Variants in NOX4 observed in about 807,000 individuals in gnomAD.
NOX4 encodes the protein NADPH oxidase 4, also known as kidney oxidase-1.
Under a neutral mutation model 87.6 loss-of-function variants are expected in NOX4, and 69 were observed. The ratio of observed to expected loss-of-function variants is 0.79; its 90% CI spans 0.65 to 0.96. The LOEUF (loss-of-function observed/expected upper bound fraction) is 0.96, where lower values mean the gene tolerates loss of function less well. NOX4 is among the 40% of genes least tolerant of loss of function. The probability of loss-of-function intolerance (pLI) is 0.00; values close to 1 mark genes in which losing one functional copy is unlikely to be tolerated. For missense variants in NOX4, 680 were observed against 681.5 expected, an observed-to-expected ratio of 1.00 and a Z score of 0.02; for synonymous variants, 275 against 238.2, an observed-to-expected ratio of 1.15 and a Z score of -1.42.
At chr11:89,476,131 AAGTT>A (rs1265585783) in intron 2 of NOX4, among the ~76,000 whole-genome samples, 1 of 152,072 alleles carries the variant, frequency 6.6e-6, no homozygotes, top group African/African-American at 2.4e-5. Context: ...GCAGTTCAGG[AAGTT>A]AGGGTGAGTT....
chr11:89,552,181 T>C, the NOX4 span, among the ~76,000 whole-genome samples: 3 of 152,178 alleles, frequency 2.0e-5, no homozygotes, highest in Non-Finnish European at 4.4e-5. Context: ...AACTTTATAA[T>C]ACATTTCTGA....
intron 2 of NOX4, among the ~76,000 whole-genome samples, chr11:89,469,426 G>GTAAA (rs1450560956): frequency 6.6e-6 from 1 of 152,132 alleles, no homozygotes; most frequent in African/African-American, 2.4e-5. Context: ...CTAAAAATAT[G>GTAAA]TAAATTTGTG....
chr11:89,468,361 A>G (rs1945793966), intron 2 of NOX4, among the ~76,000 whole-genome samples: 1 of 152,208 alleles, frequency 6.6e-6, no homozygotes, highest in African/African-American at 2.4e-5. Context: ...TGCTTCTACA[A>G]TTGTTGATAT....
At chr11:89,349,325 A>T (rs1472570798) in intron 13 of NOX4, among the ~76,000 whole-genome samples, 2 of 142,774 alleles carry the variant, frequency 1.4e-5, no homozygotes, top group East Asian at 4.1e-4. Flanking sequence ...AATAAAATAA[A>T]ATAACTTGGC....
chr11:89,331,899 G>T (rs2135365445), intron 17 of NOX4, among the ~76,000 whole-genome samples: 1 of 151,366 alleles, frequency 6.6e-6, no homozygotes, highest in South Asian at 2.1e-4. Flanking sequence ...CTAACTTAAT[G>T]AAATCTTACT....
At chr11:89,568,326 T>G in the NOX4 span, among the ~76,000 whole-genome samples, 1 of 152,136 alleles carries the variant, frequency 6.6e-6, no homozygotes, top group Admixed American at 6.5e-5. Flanking sequence ...AGAATAAGAT[T>G]GATAGACCAC....
chr11:89,571,935 T>C, the NOX4 span, among the ~76,000 whole-genome samples: 1 of 152,158 alleles, frequency 6.6e-6, no homozygotes, highest in African/African-American at 2.4e-5. Context: ...TCCACTGCAT[T>C]GTTTATGTAA....
chr11:89,502,959 T>G (rs1159686082), upstream of NOX4, among the ~76,000 whole-genome samples: 1 of 152,170 alleles, frequency 6.6e-6, no homozygotes, highest in Non-Finnish European at 1.5e-5. Flanking sequence ...AGTTGTCACC[T>G]TAGGGTCTAG....
intron 2 of NOX4, among the ~76,000 whole-genome samples, chr11:89,482,197 C>CT (rs897240096): frequency 6.6e-6 from 1 of 151,938 alleles, no homozygotes; most frequent in African/African-American, 2.4e-5. Flanking sequence ...CTAAAAAGGC[C>CT]TGGGAAGGAC....
At chr11:89,382,458 C>G (rs1432301857) in intron 11 of NOX4, among the ~76,000 whole-genome samples, 1 of 152,076 alleles carries the variant, frequency 6.6e-6, no homozygotes, top group Non-Finnish European at 1.5e-5. Context: ...GTCTGAGGTG[C>G]CTGACATCCA....
At chr11:89,541,698 AT>A in the NOX4 span, among the ~76,000 whole-genome samples, 212 of 152,344 alleles carry the variant, frequency 1.4e-3, no homozygotes, top group Middle Eastern at 3.4e-3. Flanking sequence ...ACTTTAAAAA[AT>A]TTCTTGAGAA....
chr11:89,545,919 G>T, the NOX4 span, among the ~76,000 whole-genome samples: 2 of 152,122 alleles, frequency 1.3e-5, no homozygotes, highest in African/African-American at 2.4e-5. Flanking sequence ...AAATGAGTCT[G>T]CCTGCATTGT....
intron 13 of NOX4, among the ~76,000 whole-genome samples, chr11:89,349,404 C>A (rs16913158): frequency 0.031 from 4,697 of 152,126 alleles, 227 homozygotes; most frequent in African/African-American, 0.11. Flanking sequence ...TAGATGATAT[C>A]TTGAAGAAGA....
intron 3 of NOX4, among the ~76,000 whole-genome samples, chr11:89,451,199 A>G (rs1171936787): frequency 6.6e-6 from 1 of 152,062 alleles, no homozygotes. Context: ...TGTACCCTAG[A>G]ACTTAAAGTA....
intron 13 of NOX4, among the ~76,000 whole-genome samples, chr11:89,344,521 G>C (rs1286946668): frequency 6.6e-6 from 1 of 152,176 alleles, no homozygotes; most frequent in Non-Finnish European, 1.5e-5. Context: ...CTGCACTCCT[G>C]CCTGGGTGAC....
At chr11:89,490,416 T>C (rs1946802609) in intron 2 of NOX4, 42 bp downstream of exon 2, 9 of 1,355,852 alleles carry the variant, frequency 6.6e-6, no homozygotes, top group Non-Finnish European at 9.5e-6. Flanking sequence ...TCTGCCAGTG[T>C]TAAACCCATT....
At chr11:89,361,722 T>A (rs317187) in intron 12 of NOX4, among the ~76,000 whole-genome samples, 2 of 151,942 alleles carry the variant, frequency 1.3e-5, no homozygotes, top group African/African-American at 4.8e-5. Flanking sequence ...TCTGGTTTAT[T>A]CCTGCTGTCC....
At chr11:89,472,739 C>T (rs1037473021) in intron 2 of NOX4, among the ~76,000 whole-genome samples, 14 of 152,316 alleles carry the variant, frequency 9.2e-5, no homozygotes, top group Admixed American at 5.2e-4. Context: ...AAAACATTCA[C>T]TTCTAGACTC....
chr11:89,441,092 G>A (rs1481281846), intron 5 of NOX4, among the ~76,000 whole-genome samples: 1 of 152,082 alleles, frequency 6.6e-6, no homozygotes, highest in African/African-American at 2.4e-5. Flanking sequence ...TACCAAAACC[G>A]TGAAACTGCA....
Sources: allele counts gnomAD v4.1 joint callset (sites outside exome capture counted in the v4.1 genomes callset), GRCh38; gene constraint gnomAD v4.1.1; transcripts MANE v1.5; gene names NCBI Gene and HGNC (gene_info 2026-07-23, HGNC 2026-07-21).